SUSD4: variants seen among roughly 807,000 people sequenced by gnomAD.
SUSD4 encodes sushi domain-containing protein 4.
A neutral mutation model predicts 50.5 loss-of-function variants in SUSD4; 41 were observed. That is an observed-to-expected ratio of 0.81 (90% CI 0.63 to 1.05). The LOEUF is 1.05. SUSD4 is among the 50% of genes least tolerant of loss of function. The pLI, the probability that SUSD4 is intolerant of heterozygous loss-of-function variation, is 0.00. For synonymous variants in SUSD4, 257 were observed against 257.3 expected (o/e 1.00, Z 0.01); for missense variants, 580 against 634.7 (o/e 0.91, Z 0.93).
intron 4 of SUSD4, among the ~76,000 whole-genome samples, chr1:223,266,254 GTTATTA>G (rs1662482930): frequency 1.3e-5 from 2 of 152,116 alleles, no homozygotes; most frequent in South Asian, 2.1e-4. Context: ...ATAACCTTAG[GTTATTA>G]TTATTGTTTT....
intron 2 of SUSD4, among the ~76,000 whole-genome samples, chr1:223,346,395 C>T (rs1039890646): frequency 2.0e-5 from 3 of 152,186 alleles, no homozygotes; most frequent in Non-Finnish European, 2.9e-5. Context: ...AGGTTCTGGG[C>T]TTAACCACAT....
At chr1:223,325,133 C>T (rs1015956674) in intron 2 of SUSD4, among the ~76,000 whole-genome samples, 8 of 152,148 alleles carry the variant, frequency 5.3e-5, no homozygotes, top group Non-Finnish European at 8.8e-5. Flanking sequence ...CATTATGTAG[C>T]TTGGCATCAG....
Position 223,322,512 on chromosome 1 carries a change from T to C in SUSD4, c.149-29861A>G, listed in dbSNP as rs564812271. 1.4e-4 allele frequency among the ~76,000 whole-genome samples: 21 copies of C among 152,268 alleles called. No individual in the cohort carries two copies. The East Asian group carries it at 3.9e-3, about 28-fold the overall frequency. ...CCAGGTGCTACAAAACAGACAAGGCTCCTGCCCTCTAGAAGCTAAAATCTG... is the reference window on the plus strand; with the variant it reads ...CCAGGTGCTACAAAACAGACAAGGCCCCTGCCCTCTAGAAGCTAAAATCTG... On this transcript the variant is annotated intron_variant, in intron 2 of 8. Coordinates refer to ENST00000366878, the MANE Select transcript of SUSD4 (RefSeq NM_017982.4).
At chr1:223,302,223 A>T (rs1280076064) in intron 2 of SUSD4, among the ~76,000 whole-genome samples, 2 of 152,158 alleles carry the variant, frequency 1.3e-5, no homozygotes, top group African/African-American at 4.8e-5. Flanking sequence ...CAGAAGCAAA[A>T]GCCTGTACAG....
chr1:223,272,219 G>A (rs1184814635), intron 3 of SUSD4, among the ~76,000 whole-genome samples: 1 of 152,184 alleles, frequency 6.6e-6, no homozygotes, highest in African/African-American at 2.4e-5. Context: ...ATCAAAATCT[G>A]CTTCTGTCCT....
At chr1:223,337,500 G>C (rs1353783791) in intron 2 of SUSD4, among the ~76,000 whole-genome samples, 1 of 152,282 alleles carries the variant, frequency 6.6e-6, no homozygotes, top group South Asian at 2.1e-4. Flanking sequence ...CTGTAAATAC[G>C]GGTGGGGAGG....
intron 3 of SUSD4, among the ~76,000 whole-genome samples, chr1:223,279,629 G>A (rs1022155495): frequency 1.3e-5 from 2 of 152,216 alleles, no homozygotes; most frequent in Non-Finnish European, 2.9e-5. Context: ...ACCTGAAAGT[G>A]ATGGGGAGAA....
chr1:223,278,052 A>G (rs1482220015), intron 3 of SUSD4, among the ~76,000 whole-genome samples: 1 of 152,164 alleles, frequency 6.6e-6, no homozygotes, highest in East Asian at 1.9e-4. Flanking sequence ...TGATGCAGGT[A>G]GTCCTTGGCA....
At chr1:223,243,085 G>T (rs940448868) in intron 5 of SUSD4, among the ~76,000 whole-genome samples, 3 of 152,122 alleles carry the variant, frequency 2.0e-5, no homozygotes, top group African/African-American at 7.2e-5. Context: ...ATGATGGGCA[G>T]CCGGGTGACA....
At chr1:223,354,791 T>C (rs961519130) in intron 2 of SUSD4, among the ~76,000 whole-genome samples, 1 of 152,194 alleles carries the variant, frequency 6.6e-6, no homozygotes, top group Admixed American at 6.5e-5. Context: ...ATCCTATTGT[T>C]TCTTGCCTGG....
At chr1:223,289,312 C>G (rs1664334807) in intron 3 of SUSD4, 2 of 985,282 alleles carry the variant, frequency 2.0e-6, no homozygotes, top group Non-Finnish European at 2.4e-6. Context: ...AGGTTGGAGA[C>G]TTTGGGGGCC....
upstream of SUSD4, among the ~76,000 whole-genome samples, chr1:223,365,062 G>C (rs983677491): frequency 2.6e-5 from 4 of 152,136 alleles, no homozygotes; most frequent in African/African-American, 4.8e-5. Flanking sequence ...GGAGGCGGGG[G>C]TAGCGGGTGA....
intron 3 of SUSD4, among the ~76,000 whole-genome samples, chr1:223,277,092 C>T (rs1663330894): frequency 6.6e-6 from 1 of 152,132 alleles, no homozygotes; most frequent in African/African-American, 2.4e-5. Context: ...AATTTTACTG[C>T]CAGCTTTAGC....
chr1:223,313,726 A>C (rs2176506), intron 2 of SUSD4, among the ~76,000 whole-genome samples: 80,621 of 151,924 alleles, frequency 0.53, 21,451 homozygotes, highest in African/African-American at 0.57. Flanking sequence ...GCTGTAAAGA[A>C]GCTGGCCAAA....
In SUSD4 at chr1:223,363,462, T is replaced by C; in HGVS notation, c.-35-2A>G. 3 of 1,496,178 alleles carry C rather than the reference T, an allele frequency of 2.0e-6. No individual in the cohort carries two copies. The highest frequency in any genetic ancestry group is 2.7e-6 in the Non-Finnish European group (3 of 1,112,622). The allele number at this position is 1,496,178 out of a possible 1,614,324, so 92.7% of individuals were successfully genotyped here. On this transcript the variant is annotated splice_acceptor_variant, in intron 1 of 8. Transcript: ENST00000366878. LOFTEE classifies it low-confidence loss of function (5UTR_SPLICE). ...AGAGGGCATCCAGCTTGCAAGAGTC[T>C]GCAACCAGAAGCGGAACACCACAAT...
At position 223,227,638 on chromosome 1, in the gene SUSD4, C is replaced by A. The variant is rs1159191003; in HGVS notation, c.1017G>T (p.Leu339=). The change falls in exon 7 of 9, where the codon CTG becomes CTT. Residue 339 remains leucine (L), a synonymous_variant. Transcript: ENST00000366878. The surrounding 1 kb of genome is among the most constrained non-coding windows in gnomAD (Gnocchi z 4.5). ...TGAACTTGGTCTGGAACATCCTGGC[C>A]AGGATGACGAGCAGCAGCACCAGCA... ...SVLLVLLLVI[L]ARMFQTKFKA... The A allele has an allele frequency of 6.2e-7, 1 of 1,613,900 alleles. No homozygotes were observed. Among genetic ancestry groups the A allele is most frequent in the East Asian group, 2.2e-5 (1 of 44,850 alleles).
intron 5 of SUSD4, among the ~76,000 whole-genome samples, chr1:223,250,472 G>C (rs913503246): frequency 6.6e-6 from 1 of 152,204 alleles, no homozygotes; most frequent in African/African-American, 2.4e-5. Context: ...TTGAGGCTGA[G>C]AAAGATGAAG....
intron 2 of SUSD4, among the ~76,000 whole-genome samples, chr1:223,327,738 T>C (rs899990165): frequency 6.6e-6 from 1 of 152,218 alleles, no homozygotes; most frequent in African/African-American, 2.4e-5. Context: ...CCAGGCATAA[T>C]GAGCAAAGCA....
Position 223,364,163 on chromosome 1 carries a change from G to A in SUSD4, c.-142C>T, listed in dbSNP as rs1185997774. The A allele has an allele frequency of 6.6e-6, 1 of 151,908 alleles. No individual in the cohort carries two copies. 9.4% of individuals were successfully genotyped at this position (151,908 alleles called of 1,614,324 possible). A position where few individuals can be genotyped will look rare whatever the true frequency, so the allele number is the denominator to read the frequency against. On this transcript the variant is annotated 5_prime_UTR_variant, in exon 1 of 9. Transcript: ENST00000366878. This position sits in a 1 kb window ranked among gnomAD's most constrained non-coding sequence, Gnocchi z 4.5. ...TGCTGCCGCCGCTGCGCGAGCGAGC[G>A]AGACGGAAGCTTCGGCGGCGGCGCT...
Sources: allele counts gnomAD v4.1 joint callset (sites outside exome capture counted in the v4.1 genomes callset), GRCh38; gene constraint gnomAD v4.1.1; non-coding constraint Gnocchi (gnomAD v3.1); transcripts MANE v1.5; gene names NCBI Gene and HGNC (gene_info 2026-07-23, HGNC 2026-07-21).